The following TLN2 variants were observed in gnomAD, a reference collection of about 807,000 sequenced individuals.
TLN2 encodes talin-2.
In TLN2, 118 loss-of-function variants were observed where a neutral mutation model predicts 294.7. That is an observed-to-expected ratio of 0.40 (90% CI 0.34 to 0.47). The LOEUF is 0.47. Ranked by LOEUF, TLN2 falls within the 20% of genes least tolerant of loss-of-function variation. The pLI is 0.84. For synonymous variants in TLN2, 1,431 were observed against 1,304.5 expected (o/e 1.10, Z -2.09); for missense variants, 3,083 against 3,282.2 (o/e 0.94, Z 1.48).
chr15:62,664,875 A>AAAAAAAAG (rs1555462003), intron 9 of TLN2, among the ~76,000 whole-genome samples: 1 of 146,488 alleles, frequency 6.8e-6, no homozygotes, highest in African/African-American at 2.7e-5. Flanking sequence ...AAAAAAAAAA[A>AAAAAAAAG]AAAGTGGCTA....
chr15:62,516,512 A>G (rs2040199947), intron 1 of TLN2, among the ~76,000 whole-genome samples: 1 of 152,224 alleles, frequency 6.6e-6, no homozygotes, highest in Non-Finnish European at 1.5e-5. Flanking sequence ...GTGAAGGAAC[A>G]TATTCACTCT....
intron 1 of TLN2, among the ~76,000 whole-genome samples, chr15:62,419,393 A>G (rs562048377): frequency 6.6e-6 from 1 of 152,336 alleles, no homozygotes; most frequent in Non-Finnish European, 1.5e-5. Context: ...AAAGGCCACA[A>G]GACAGCTGTT....
chr15:62,564,905 CAAAAAA>C (rs60087745), intron 1 of TLN2, among the ~76,000 whole-genome samples: 5 of 112,810 alleles, frequency 4.4e-5, no homozygotes, highest in Non-Finnish European at 8.6e-5. Flanking sequence ...AACTCCATCT[CAAAAAA>C]AAAAAAAAAA....
chr15:62,736,932 G>T lies in TLN2; in HGVS notation c.3413G>T (p.Arg1138Leu). ...CTGAAAACACTGGCCCAGGCCGCCC[G>T]TGGAGTGGCTGCATCGACAACCGAC... is the stretch of plus-strand genomic sequence containing the variant. ...QALKTLAQAA[R>L]GVAASTTDPA... The change falls in exon 29 of 59, where the codon CGT becomes CTT. Residue 1138 changes from arginine to leucine, a missense_variant. By Grantham distance (102) the Arg-to-Leu change is moderately radical. Coordinates refer to ENST00000636159, the MANE Select transcript of TLN2 (RefSeq NM_015059.3). 1.2e-6 allele frequency: 2 copies of T among 1,614,202 alleles called. No individual in the cohort carries two copies. The highest frequency in any genetic ancestry group is 8.5e-7 in the Non-Finnish European group (1 of 1,180,042).
intron 16 of TLN2, among the ~76,000 whole-genome samples, chr15:62,699,642 G>A (rs1379307708): frequency 6.6e-6 from 1 of 152,170 alleles, no homozygotes. Context: ...TCTTGTAAGA[G>A]GTGCAGAATC....
intron 1 of TLN2, among the ~76,000 whole-genome samples, chr15:62,407,891 G>A (rs1324547783): frequency 6.6e-6 from 1 of 151,768 alleles, no homozygotes; most frequent in East Asian, 1.9e-4. Flanking sequence ...CTCCTGCCTG[G>A]ACAACAGAGT....
At chr15:62,503,482 G>C (rs1479963030) in intron 1 of TLN2, among the ~76,000 whole-genome samples, 1 of 152,218 alleles carries the variant, frequency 6.6e-6, no homozygotes, top group Non-Finnish European at 1.5e-5. Context: ...TAAGTGATTA[G>C]TGGTTCAGTC....
intron 3 of TLN2, among the ~76,000 whole-genome samples, chr15:62,631,528 T>TTC (rs2049850402): frequency 1.5e-5 from 1 of 67,850 alleles, no homozygotes; most frequent in Non-Finnish European, 3.1e-5. Context: ...CTTCCTTTCC[T>TTC]TTCCTTTCCT....
intron 1 of TLN2, among the ~76,000 whole-genome samples, chr15:62,567,385 C>G (rs888896069): frequency 6.6e-6 from 1 of 152,212 alleles, no homozygotes; most frequent in Non-Finnish European, 1.5e-5. Flanking sequence ...TGTCAGAGTC[C>G]TTCCCTAAAA....
At chr15:62,507,569 C>A (rs1195903367) in intron 1 of TLN2, among the ~76,000 whole-genome samples, 2 of 152,216 alleles carry the variant, frequency 1.3e-5, no homozygotes, top group South Asian at 2.1e-4. Flanking sequence ...GGGTAAAATG[C>A]AGAGTGGGCT....
At chr15:62,587,012 T>C (rs949184474) in intron 1 of TLN2, among the ~76,000 whole-genome samples, 3 of 152,202 alleles carry the variant, frequency 2.0e-5, no homozygotes, top group Admixed American at 6.5e-5. Context: ...TGGGATTCCA[T>C]TGGTCACAGT....
chr15:62,397,270 T>C (rs2140229366), intron 1 of TLN2, among the ~76,000 whole-genome samples: 1 of 152,280 alleles, frequency 6.6e-6, no homozygotes, highest in South Asian at 2.1e-4. Context: ...ATCTGAATAA[T>C]ATTTTTAGAG....
intron 33 of TLN2, 33 bp from the exon 34 acceptor site, chr15:62,750,369 G>C (rs767591040): frequency 1.3e-6 from 2 of 1,580,178 alleles, no homozygotes; most frequent in South Asian, 2.2e-5. Flanking sequence ...TATGACATTT[G>C]CTTGCTTTTT....
At chr15:62,433,240 G>A (rs1566967464) in intron 1 of TLN2, among the ~76,000 whole-genome samples, 1 of 152,118 alleles carries the variant, frequency 6.6e-6, no homozygotes, top group Non-Finnish European at 1.5e-5. Flanking sequence ...GCTGGCCACA[G>A]GGACCCAGGG....
intron 1 of TLN2, among the ~76,000 whole-genome samples, chr15:62,489,592 A>C (rs1428369629): frequency 6.6e-6 from 1 of 152,114 alleles, no homozygotes; most frequent in African/African-American, 2.4e-5. Flanking sequence ...AAGTCTACAA[A>C]TCTTCAGTTC....
chr15:62,590,222 A>G (rs1403784878), intron 2 of TLN2, among the ~76,000 whole-genome samples: 1 of 152,070 alleles, frequency 6.6e-6, no homozygotes, highest in African/African-American at 2.4e-5. Context: ...TAAACGTGTC[A>G]TGGGAGTTCA....
intron 1 of TLN2, among the ~76,000 whole-genome samples, chr15:62,448,682 C>A (rs1019098498): frequency 1.3e-5 from 2 of 152,148 alleles, no homozygotes; most frequent in African/African-American, 2.4e-5. Flanking sequence ...AACTGAGATA[C>A]AAAATGTTAG....
intron 12 of TLN2, among the ~76,000 whole-genome samples, chr15:62,690,035 T>A (rs1595668520): frequency 3.8e-5 from 2 of 52,724 alleles, no homozygotes; most frequent in African/African-American, 7.6e-5. Context: ...CACTTCCCAG[T>A]AGGGGCGGCC....
Position 62,689,877 on chromosome 15 carries a change from T to TTTTTTTTTTTTTTTTTTTTTTTTTTTTA in TLN2, c.1114-2963_1114-2962insTTTTTTTTTTTTTTTTTTTTTTTTTTTA, listed in dbSNP as rs71131119. On this transcript the variant is annotated intron_variant, in intron 12 of 58. Transcript: ENST00000636159. The stretch of plus-strand genomic sequence containing the variant: ...TTTTTTTTTTTTTTTTTTTTTTTTT[T>TTTTTTTTTTTTTTTTTTTTTTTTTTTTA]ATTGGCTGACCCCCCTTCCTCCCTC... Among the ~76,000 whole-genome samples, 15 of 9,834 alleles carry TTTTTTTTTTTTTTTTTTTTTTTTTTTTA rather than the reference T, an allele frequency of 1.5e-3. 6 individuals are homozygous for TTTTTTTTTTTTTTTTTTTTTTTTTTTTA. The highest frequency in any genetic ancestry group is 0.013 in the East Asian group (3 of 224). 6.5% of individuals were successfully genotyped at this position (9,834 alleles called of 152,430 possible).
Sources: allele counts gnomAD v4.1 joint callset (sites outside exome capture counted in the v4.1 genomes callset), GRCh38; gene constraint gnomAD v4.1.1; transcripts MANE v1.5; gene names NCBI Gene and HGNC (gene_info 2026-07-23, HGNC 2026-07-21).